The following PAPPA variants were observed in gnomAD, a reference collection of about 807,000 sequenced individuals.
The protein encoded by PAPPA is pappalysin 1, also known as pappalysin-1.
A neutral mutation model predicts 164.0 loss-of-function variants in PAPPA; 60 were observed. The observed-to-expected ratio is 0.37, with a 90% CI of 0.30 to 0.45. The LOEUF (loss-of-function observed/expected upper bound fraction) is 0.45. Ranked by LOEUF, PAPPA falls within the 20% of genes least tolerant of loss-of-function variation. PAPPA has a pLI of 1.00. For missense variants in PAPPA, 1,782 were observed against 2,087.3 expected, an observed-to-expected ratio of 0.85 and a Z score of 2.85; for synonymous variants, 875 against 814.1, an observed-to-expected ratio of 1.07 and a Z score of -1.27.
At chr9:116,232,326 C>T (rs866597285) in intron 6 of PAPPA, among the ~76,000 whole-genome samples, 2 of 152,292 alleles carry the variant, frequency 1.3e-5, no homozygotes, top group South Asian at 4.1e-4. Flanking sequence ...GTTAATACGT[C>T]CCTACTTTCC....
At chr9:116,351,181 C>A (rs896253039) in intron 15 of PAPPA, among the ~76,000 whole-genome samples, 2 of 152,148 alleles carry the variant, frequency 1.3e-5, no homozygotes, top group African/African-American at 4.8e-5. Flanking sequence ...ATCAAGAGAA[C>A]AGAGCTATTT....
intron 4 of PAPPA, among the ~76,000 whole-genome samples, chr9:116,218,063 G>A (rs1587957119): frequency 6.6e-6 from 1 of 152,318 alleles, no homozygotes; most frequent in Admixed American, 6.5e-5. Context: ...AGAATGTTTG[G>A]TATTCAGGAG....
chr9:116,339,302 A>G (rs546927818), intron 13 of PAPPA, among the ~76,000 whole-genome samples: 2 of 152,282 alleles, frequency 1.3e-5, no homozygotes, highest in Non-Finnish European at 2.9e-5. Flanking sequence ...CTACTAGGCA[A>G]CCTTGGACTA....
At chr9:116,221,335 T>C (rs1844443542) in intron 5 of PAPPA, among the ~76,000 whole-genome samples, 1 of 152,218 alleles carries the variant, frequency 6.6e-6, no homozygotes, top group African/African-American at 2.4e-5. Context: ...CAGCCCTTCT[T>C]TGGGATGCTT....
chr9:116,395,751 A>G (rs1846954234), intron 21 of PAPPA, among the ~76,000 whole-genome samples: 2 of 152,288 alleles, frequency 1.3e-5, no homozygotes, highest in South Asian at 2.1e-4. Context: ...CAGGTCCTTC[A>G]AATTTGGTGC....
At chr9:116,388,653 CAACAT>C (rs1846848583) in intron 21 of PAPPA, among the ~76,000 whole-genome samples, 1 of 152,148 alleles carries the variant, frequency 6.6e-6, no homozygotes, top group Admixed American at 6.5e-5. Context: ...TCTAATAACT[CAACAT>C]AACAAGGCTT....
At chr9:116,362,069 G>C (rs554883666) in intron 17 of PAPPA, among the ~76,000 whole-genome samples, 1 of 150,530 alleles carries the variant, frequency 6.6e-6, no homozygotes, top group East Asian at 1.9e-4. Flanking sequence ...GAGAAGATGA[G>C]AAAAGGAAAA....
chr9:116,217,839 T>C (rs1440660503), intron 4 of PAPPA, among the ~76,000 whole-genome samples: 1 of 152,212 alleles, frequency 6.6e-6, no homozygotes, highest in African/African-American at 2.4e-5. Context: ...GAAAATCACT[T>C]GTCCATTTGA....
chr9:116,365,752 C>T (rs1186471040), intron 18 of PAPPA, among the ~76,000 whole-genome samples: 2 of 151,974 alleles, frequency 1.3e-5, no homozygotes, highest in Non-Finnish European at 2.9e-5. Context: ...GCTCCTTATT[C>T]TCATCACTCA....
At chr9:116,256,706 A>G (rs1309645129) in intron 7 of PAPPA, among the ~76,000 whole-genome samples, 1 of 150,670 alleles carries the variant, frequency 6.6e-6, no homozygotes, top group African/African-American at 2.5e-5. Context: ...GAAAATATAT[A>G]AGTCAATGAC....
At chr9:116,211,971 G>A (rs1177710054) in intron 4 of PAPPA, 39 bp downstream of exon 4, 3 of 1,559,138 alleles carry the variant, frequency 1.9e-6, no homozygotes, top group Non-Finnish European at 2.6e-6. Flanking sequence ...AGGTCTGGAT[G>A]TCAGATGTGG....
intron 10 of PAPPA, among the ~76,000 whole-genome samples, chr9:116,320,207 C>T (rs561948351): frequency 6.6e-6 from 1 of 152,208 alleles, no homozygotes; most frequent in South Asian, 2.1e-4. Flanking sequence ...ATCATTTGGT[C>T]TGGCCAGGGG....
intron 1 of PAPPA, among the ~76,000 whole-genome samples, chr9:116,170,840 A>G (rs914942239): frequency 6.6e-6 from 1 of 151,688 alleles, no homozygotes; most frequent in Non-Finnish European, 1.5e-5. Flanking sequence ...AGGAAGAGTT[A>G]GGAGGTTCCA....
At chr9:116,294,644 A>T (rs1292263786) in intron 9 of PAPPA, among the ~76,000 whole-genome samples, 3 of 152,178 alleles carry the variant, frequency 2.0e-5, no homozygotes, top group African/African-American at 7.2e-5. Context: ...CCCCTGTTCC[A>T]AGAAACTAAC....
chr9:116,399,275 C>T lies in PAPPA; in HGVS notation c.*2659C>T, dbSNP rs970477580. The T allele has an allele frequency of 6.5e-6, 1 of 152,712 alleles. No homozygotes were observed. The highest frequency in any genetic ancestry group is 2.4e-5 in the African/African-American group (1 of 41,444). The allele number at this position is 152,712 out of a possible 1,614,324, so 9.5% of individuals were successfully genotyped here. On this transcript the variant is annotated 3_prime_UTR_variant, in exon 22 of 22. Transcript: ENST00000328252. ...CCCACCCAGTCTCTTTCATTCAGAC[C>T]TGTTGCTAACAAATTTATATTTGCC...
intron 14 of PAPPA, 101 bp downstream of exon 14, chr9:116,344,812 G>GTGC: frequency 5.2e-6 from 5 of 969,368 alleles, no homozygotes; most frequent in Non-Finnish European, 7.7e-6. Flanking sequence ...ACTTAAAATA[G>GTGC]TGCTGCCACA....
chr9:116,393,690 G>A lies in PAPPA; in HGVS notation c.4777-2819G>A, dbSNP rs190442759. Among the ~76,000 whole-genome samples the A allele has an allele frequency of 7.2e-5, 11 of 152,284 alleles. No individual in the cohort carries two copies. The East Asian group carries it at 2.1e-3, about 30-fold the overall frequency. ...ACCTAATATCTTTGGTCAGACTACT[G>A]AGGGAGGTAGTGATACTTGCGAAAA... On this transcript the variant is annotated intron_variant, in intron 21 of 21. Coordinates refer to ENST00000328252, the MANE Select transcript of PAPPA (RefSeq NM_002581.5).
chr9:116,166,423 C>T (rs1433067765), intron 1 of PAPPA, among the ~76,000 whole-genome samples: 1 of 152,150 alleles, frequency 6.6e-6, no homozygotes, highest in East Asian at 1.9e-4. Flanking sequence ...TATCAGTGTC[C>T]TTCTGAGCCT....
At chr9:116,371,701 C>T (rs1192231223) in intron 19 of PAPPA, among the ~76,000 whole-genome samples, 1 of 151,906 alleles carries the variant, frequency 6.6e-6, no homozygotes, top group African/African-American at 2.4e-5. Context: ...CCTCAGCCTC[C>T]TTCTTTTTTA....
Sources: gnomAD v4.1 joint callset for allele counts (sites outside exome capture counted in the v4.1 genomes callset) on GRCh38, gnomAD v4.1.1 for gene constraint, MANE v1.5 for transcripts, NCBI Gene and HGNC (gene_info 2026-07-23, HGNC 2026-07-21) for gene names.